ARK2C: variants seen among roughly 807,000 people sequenced by gnomAD.
ARK2C encodes arkadia (RNF111) C-terminal like ring finger ubiquitin ligase 2C.
the ARK2C span, among the ~76,000 whole-genome samples, chr18:46,366,668 T>G: frequency 1.3e-5 from 2 of 152,208 alleles, no homozygotes; most frequent in African/African-American, 4.8e-5. Context: ...AGTTTTACAC[T>G]TGGGAGCAAG....
the ARK2C span, among the ~76,000 whole-genome samples, chr18:46,398,257 G>T: frequency 3.3e-5 from 5 of 151,542 alleles, no homozygotes; most frequent in Non-Finnish European, 7.4e-5. Flanking sequence ...GGAGGTGTGA[G>T]GGTGTGTGTG....
chr18:46,447,863 C>A, the ARK2C span, among the ~76,000 whole-genome samples: 1 of 151,772 alleles, frequency 6.6e-6, no homozygotes, highest in Admixed American at 6.6e-5. Flanking sequence ...TCCCCCATGC[C>A]CTGACTCCCT....
At chr18:46,451,446 A>C in the ARK2C span, among the ~76,000 whole-genome samples, 1 of 152,184 alleles carries the variant, frequency 6.6e-6, no homozygotes, top group Non-Finnish European at 1.5e-5. Flanking sequence ...CAATAGATGA[A>C]AGATAGATAA....
chr18:46,386,186 T>G, the ARK2C span: 1 of 152,286 alleles, frequency 6.6e-6, no homozygotes, highest in Non-Finnish European at 1.5e-5. Flanking sequence ...TTCCTCTGGC[T>G]GCCTCATTTC....
At chr18:46,404,712 C>T in the ARK2C span, among the ~76,000 whole-genome samples, 5 of 151,936 alleles carry the variant, frequency 3.3e-5, no homozygotes, top group Non-Finnish European at 7.4e-5. Context: ...GAGACCGCGC[C>T]GCCACACTCC....
the ARK2C span, among the ~76,000 whole-genome samples, chr18:46,397,867 T>C: frequency 7.8e-6 from 1 of 128,582 alleles, no homozygotes; most frequent in Non-Finnish European, 1.6e-5. Context: ...ATGTGGTGCG[T>C]ATGTGTGTGT....
chr18:46,425,443 A>G, the ARK2C span, among the ~76,000 whole-genome samples: 1 of 152,214 alleles, frequency 6.6e-6, no homozygotes, highest in Admixed American at 6.5e-5. Context: ...GGGGCCTTTC[A>G]GGCTGCCTGT....
chr18:46,450,909 C>A, the ARK2C span: 2 of 766,890 alleles, frequency 2.6e-6, no homozygotes, highest in Non-Finnish European at 4.5e-6. Flanking sequence ...ATTCTAGAAA[C>A]CTTTGCTCTG....
At chr18:46,452,440 C>T in the ARK2C span, among the ~76,000 whole-genome samples, 1 of 151,952 alleles carries the variant, frequency 6.6e-6, no homozygotes, top group Non-Finnish European at 1.5e-5. Flanking sequence ...CCACCACACC[C>T]AGCTAATTTT....
the ARK2C span, among the ~76,000 whole-genome samples, chr18:46,444,875 C>A: frequency 3.9e-5 from 6 of 152,144 alleles, no homozygotes; most frequent in Non-Finnish European, 8.8e-5. Context: ...CTATTTCAGA[C>A]ATTGCATTTT....
the ARK2C span, among the ~76,000 whole-genome samples, chr18:46,392,449 T>C: frequency 6.6e-6 from 1 of 152,206 alleles, no homozygotes; most frequent in African/African-American, 2.4e-5. Context: ...CTGACCACAT[T>C]TGGCGGGAAT....
the ARK2C span, among the ~76,000 whole-genome samples, chr18:46,395,391 G>A: frequency 2.0e-5 from 3 of 152,174 alleles, no homozygotes; most frequent in African/African-American, 7.2e-5. Context: ...TTTGTTGGGT[G>A]TTTGGCAGCA....
At chr18:46,420,822 G>A in the ARK2C span, among the ~76,000 whole-genome samples, 1 of 151,746 alleles carries the variant, frequency 6.6e-6, no homozygotes, top group African/African-American at 2.4e-5. Flanking sequence ...TCTAGCCTGG[G>A]CAACAAGAGC....
chr18:46,360,139 C>A, the ARK2C span, among the ~76,000 whole-genome samples: 1 of 152,210 alleles, frequency 6.6e-6, no homozygotes, highest in Non-Finnish European at 1.5e-5. Context: ...ATTGAAGGTC[C>A]TCCAGCTCAC....
At chr18:46,346,004 G>A in the ARK2C span, among the ~76,000 whole-genome samples, 1 of 152,170 alleles carries the variant, frequency 6.6e-6, no homozygotes, top group Non-Finnish European at 1.5e-5. Flanking sequence ...TCTGAGGGCT[G>A]GTGGACGTTT....
chr18:46,415,543 T>A, the ARK2C span, among the ~76,000 whole-genome samples: 207 of 151,086 alleles, frequency 1.4e-3, no homozygotes, highest in African/African-American at 3.3e-3. Flanking sequence ...ATAAAAAAAA[T>A]AAAAAAATAA....
the ARK2C span, among the ~76,000 whole-genome samples, chr18:46,430,567 ATTCT>A: frequency 6.6e-6 from 1 of 151,958 alleles, no homozygotes; most frequent in Non-Finnish European, 1.5e-5. Context: ...CATTTCCTCC[ATTCT>A]TTCTCTCTTT....
chr18:46,378,670 GGGAGTGGCATGAACCCA>G, the ARK2C span, among the ~76,000 whole-genome samples: 1 of 152,208 alleles, frequency 6.6e-6, no homozygotes, highest in African/African-American at 2.4e-5. Context: ...TCTGGGCAGA[GGGAGTGGCATGAACCCA>G]TAAATACACA....
chr18:46,450,790 G>A, the ARK2C span: 1 of 1,612,820 alleles, frequency 6.2e-7, no homozygotes, highest in Non-Finnish European at 8.5e-7. Flanking sequence ...TCCCCCACAA[G>A]TATAAGAAGG....
Sources: gnomAD v4.1 joint callset for allele counts (sites outside exome capture counted in the v4.1 genomes callset) on GRCh38, gnomAD v4.1.1 for gene constraint, MANE v1.5 for transcripts, NCBI Gene and HGNC (gene_info 2026-07-23, HGNC 2026-07-21) for gene names.